The following UTRN variants were observed in gnomAD, a reference collection of about 807,000 sequenced individuals.
UTRN encodes the protein dystrophin-related protein 1.
UTRN carries 283 observed loss-of-function variants against 463.9 expected under a neutral mutation model. The observed-to-expected ratio is 0.61, with a 90% CI of 0.55 to 0.67. The LOEUF (loss-of-function observed/expected upper bound fraction) is 0.67, where lower values mean the gene tolerates loss of function less well. UTRN is among the 30% of genes least tolerant of loss of function. The pLI is 0.00. For synonymous variants in UTRN, 1,442 were observed against 1,431.5 expected, an observed-to-expected ratio of 1.01 and a Z score of -0.17; for missense variants, 3,922 against 4,084.3, an observed-to-expected ratio of 0.96 and a Z score of 1.08.
chr6:144,754,425 A>G (rs1791754863), intron 56 of UTRN, among the ~76,000 whole-genome samples: 1 of 152,034 alleles, frequency 6.6e-6, no homozygotes, highest in East Asian at 1.9e-4. Context: ...TAAGATGATG[A>G]TAAAAATAAC....
At position 144,306,847 on chromosome 6, in the gene UTRN, G is replaced by C. The variant is rs547696084; in HGVS notation, c.79+14940G>C. ...GAGGCGGGCGGATCACCTGAGGTCA[G>C]GAGTTCAAGACCAGCCTGGCCAACA... is the stretch of plus-strand genomic sequence containing the variant. On this transcript the variant is annotated intron_variant, in intron 2 of 74. Transcript: ENST00000367545. 5.5e-3 allele frequency among the ~76,000 whole-genome samples: 827 copies of C among 151,708 alleles called. 7 individuals carry two copies. Among genetic ancestry groups the C allele is most frequent in the African/African-American group, 0.019 (784 of 41,292 alleles).
intron 51 of UTRN, among the ~76,000 whole-genome samples, chr6:144,635,164 A>T (rs1585695133): frequency 8.2e-6 from 1 of 121,800 alleles, no homozygotes; most frequent in African/African-American, 3.2e-5. Flanking sequence ...TTTTTTGGAG[A>T]CATGAGACAG....
intron 21 of UTRN, among the ~76,000 whole-genome samples, chr6:144,460,270 G>A (rs779033535): frequency 5.3e-5 from 8 of 152,194 alleles, no homozygotes; most frequent in Middle Eastern, 3.4e-3. Flanking sequence ...TCCCTCCTAC[G>A]TTACACTATT....
At chr6:144,378,545 G>C (rs149029993) in intron 2 of UTRN, among the ~76,000 whole-genome samples, 71 of 152,326 alleles carry the variant, frequency 4.7e-4, no homozygotes, top group African/African-American at 1.7e-3. Flanking sequence ...GAATTAAGCA[G>C]GTTGAGAACA....
intron 2 of UTRN, among the ~76,000 whole-genome samples, chr6:144,337,580 G>C (rs1052279176): frequency 6.6e-6 from 1 of 152,058 alleles, no homozygotes; most frequent in African/African-American, 2.4e-5. Context: ...CTATGTCTGA[G>C]GTCTGGCTCC....
chr6:144,478,078 A>G (rs928374561), intron 25 of UTRN, among the ~76,000 whole-genome samples: 5 of 152,252 alleles, frequency 3.3e-5, no homozygotes, highest in African/African-American at 1.2e-4. Context: ...TGACTAGTAC[A>G]AATGTTGAAG....
At chr6:144,291,935 T>C in intron 2 of UTRN, 28 bp downstream of exon 2, 2 of 1,590,326 alleles carry the variant, frequency 1.3e-6, no homozygotes, top group Non-Finnish European at 1.7e-6. Flanking sequence ...AAGAAAGCTA[T>C]GGATTTTTAT....
At chr6:144,708,338 A>C (rs1785300233) in intron 53 of UTRN, 1 of 667,502 alleles carries the variant, frequency 1.5e-6, no homozygotes, top group Non-Finnish European at 2.9e-6. Context: ...TGTATTTTCC[A>C]GTCCCAAAAC....
chr6:144,805,937 C>A (rs1778111073), intron 65 of UTRN, among the ~76,000 whole-genome samples: 1 of 151,974 alleles, frequency 6.6e-6, no homozygotes. Flanking sequence ...TTGTATAGAA[C>A]CCTGGGGATC....
chr6:144,338,371 A>T (rs1481033545), intron 2 of UTRN, among the ~76,000 whole-genome samples: 1 of 151,798 alleles, frequency 6.6e-6, no homozygotes, highest in African/African-American at 2.4e-5. Flanking sequence ...TGATTATTGG[A>T]TAAGTTGTAT....
At chr6:144,497,631 A>C (rs1483187540) in intron 33 of UTRN, among the ~76,000 whole-genome samples, 1 of 151,968 alleles carries the variant, frequency 6.6e-6, no homozygotes, top group Non-Finnish European at 1.5e-5. Context: ...CAGTGAGTCA[A>C]GATTGTGCCA....
intron 2 of UTRN, among the ~76,000 whole-genome samples, chr6:144,292,201 C>A (rs592667): frequency 2.0e-5 from 3 of 151,950 alleles, no homozygotes; most frequent in Non-Finnish European, 2.9e-5. Flanking sequence ...CCGAACATTT[C>A]TCTTTCTATT....
At chr6:144,432,137 C>T (rs1339580239) in intron 9 of UTRN, among the ~76,000 whole-genome samples, 2 of 152,122 alleles carry the variant, frequency 1.3e-5, no homozygotes, top group Non-Finnish European at 2.9e-5. Flanking sequence ...TTAAAGACTT[C>T]ATTTTCTCCT....
In UTRN at chr6:144,340,243, A is replaced by G. The variant is rs543875756; in HGVS notation, c.79+48336A>G. On this transcript the variant is annotated intron_variant, in intron 2 of 74. Transcript: ENST00000367545. ...GTGCCATAACTTGTCCTTTGCATTT[A>G]GTCTCCCTGGTGTTGGAGGGTGTGG... 2.6e-5 allele frequency among the ~76,000 whole-genome samples: 4 copies of G among 152,340 alleles called. No individual in the cohort carries two copies. The South Asian group carries it at 8.3e-4, about 32-fold the overall frequency.
chr6:144,839,091 G>C (rs1300678593), intron 71 of UTRN, 82 bp from the exon 72 acceptor site: 1 of 1,050,642 alleles, frequency 9.5e-7, no homozygotes, highest in Non-Finnish European at 1.5e-6. Flanking sequence ...CCATGGTGAG[G>C]GCGGGGAAGT....
Position 144,728,834 on chromosome 6 carries a change from C to A in UTRN, c.7810-1523C>A, listed in dbSNP as rs529112922. The stretch of plus-strand genomic sequence containing the variant: ...AGTAATAATTGTATAGTTTAAAAAT[C>A]AAAATAATATTTACAATGCTTACAC... On this transcript the variant is annotated intron_variant, in intron 53 of 74. Coordinates refer to ENST00000367545, the MANE Select transcript of UTRN (RefSeq NM_007124.3). Among the ~76,000 whole-genome samples, 5 of 152,114 alleles carry A rather than the reference C, an allele frequency of 3.3e-5. No individual in the cohort carries two copies. The East Asian group carries it at 9.7e-4, about 29-fold the overall frequency.
At chr6:144,573,985 A>T (rs1801193064) in intron 50 of UTRN, among the ~76,000 whole-genome samples, 1 of 152,212 alleles carries the variant, frequency 6.6e-6, no homozygotes, top group South Asian at 2.1e-4. Flanking sequence ...CTGAACTGGG[A>T]TGGAATATTC....
intron 13 of UTRN, among the ~76,000 whole-genome samples, chr6:144,440,942 A>G (rs1787094811): frequency 6.6e-6 from 1 of 152,124 alleles, no homozygotes; most frequent in Non-Finnish European, 1.5e-5. Context: ...TTTTTTTAAA[A>G]CCATCAGACC....
At chr6:144,702,266 C>A (rs573902720) in intron 53 of UTRN, among the ~76,000 whole-genome samples, 3 of 152,298 alleles carry the variant, frequency 2.0e-5, no homozygotes, top group Non-Finnish European at 4.4e-5. Context: ...GGCCTCCCTC[C>A]CAGCAAGGTA....
Sources: allele counts gnomAD v4.1 joint callset (sites outside exome capture counted in the v4.1 genomes callset), GRCh38; gene constraint gnomAD v4.1.1; transcripts MANE v1.5; gene names NCBI Gene and HGNC (gene_info 2026-07-23, HGNC 2026-07-21).